Variants in POLQ observed in about 807,000 individuals in gnomAD.
POLQ encodes epididymis secretory sperm binding protein.
POLQ carries 233 observed loss-of-function variants against 259.2 expected under a neutral mutation model. That is an observed-to-expected ratio of 0.90 (90% CI 0.81 to 1.00). The LOEUF is 1.00. Ranked by LOEUF, POLQ falls within the 50% of genes least tolerant of loss-of-function variation. The pLI, the probability that POLQ is intolerant of heterozygous loss-of-function variation, is 0.00. For synonymous variants in POLQ, 1,025 were observed against 1,048.8 expected (o/e 0.98, Z 0.44); for missense variants, 2,871 against 3,051.6 (o/e 0.94, Z 1.39).
intron 26 of POLQ, among the ~76,000 whole-genome samples, chr3:121,445,764 G>C (rs2047627934): frequency 6.6e-6 from 1 of 151,808 alleles, no homozygotes; most frequent in Admixed American, 6.6e-5. Context: ...TTGGGAGGCT[G>C]AGACAGGAAA....
chr3:121,545,837 T>C lies in POLQ; in HGVS notation c.41A>G (p.Glu14Gly). The C allele has an allele frequency of 6.2e-7, 1 of 1,613,966 alleles. No individual in the cohort carries two copies. Among genetic ancestry groups the C allele is most frequent in the East Asian group, 2.2e-5 (1 of 44,882 alleles). The change falls in exon 1 of 30, where the codon GAA (glutamate) becomes GGA (glycine). Residue 14 changes from glutamate to glycine, a missense_variant. By Grantham distance (98) the Glu-to-Gly change is moderately conservative. Coordinates refer to ENST00000264233, the MANE Select transcript of POLQ (RefSeq NM_199420.4). The stretch of plus-strand genomic sequence containing the variant: ...TCCCGAGAACGAATCTGAGCCTGAT[T>C]CTGAACGCCGCCGTTTCCCACTCCG... Reference protein sequence around the residue: ...LRRSGKRRRSESGSDSFSGSG... With the variant: ...LRRSGKRRRSGSGSDSFSGSG...
intron 25 of POLQ, among the ~76,000 whole-genome samples, chr3:121,451,217 T>A (rs560632858): frequency 6.6e-6 from 1 of 152,340 alleles, no homozygotes; most frequent in Non-Finnish European, 1.5e-5. Flanking sequence ...TTTTAGCTTC[T>A]TTGCAATGGG....
chr3:121,489,931 C>G lies in POLQ; in HGVS notation c.3000G>C (p.Lys1000Asn), dbSNP rs761849735. ...TCCCCTCATTCTGAGAGGCTCCTGG[C>G]TTCTCTTTATTTATATCTAAAGAGG... ...KRASLDINKEKPGASQNEGKT... is the reference protein window; with the variant it reads ...KRASLDINKENPGASQNEGKT... The change falls in exon 16 of 30, where the codon AAG becomes AAC. Residue 1000 changes from lysine (K) to asparagine (N), a missense_variant. By Grantham distance (94) the Lys-to-Asn change is moderately conservative. Around this residue, in one of 3 missense-constraint regions of POLQ, gnomAD observed 2,080 missense variants for 2,126.0 expected, o/e 0.98. Coordinates refer to ENST00000264233, the MANE Select transcript of POLQ (RefSeq NM_199420.4). The G allele has an allele frequency of 5.1e-6, 8 of 1,581,328 alleles. No homozygotes were observed. The African/African-American group carries it at 1.1e-4, about 22-fold the overall frequency.
In POLQ at chr3:121,522,017, G is replaced by A; in HGVS notation, c.1241C>T (p.Ala414Val). The A allele has an allele frequency of 6.4e-7, 1 of 1,572,122 alleles. No individual in the cohort carries two copies. Among genetic ancestry groups the A allele is most frequent in the Non-Finnish European group, 8.6e-7 (1 of 1,164,294 alleles). The change falls in exon 8 of 30, where the codon GCA becomes GTA. Residue 414 changes from alanine (A) to valine (V), a missense_variant. This residue lies in a region of POLQ where 783 missense variants were observed against 906.2 expected (regional missense o/e 0.86). Transcript: ENST00000264233. ...ATATGAAATACCTGCATGATGAAATGCTACTCCCCATGGTACAGTTTTCTG... is the reference window on the plus strand; with the variant it reads ...ATATGAAATACCTGCATGATGAAATACTACTCCCCATGGTACAGTTTTCTG... Reference protein sequence around the residue: ...VLQKTVPWGVAFHHAGLTFEE... With the variant: ...VLQKTVPWGVVFHHAGLTFEE...
At position 121,489,968 on chromosome 3, in the gene POLQ, G is replaced by A. The variant is rs2048052434; in HGVS notation, c.2963C>T (p.Ala988Val). The A allele has an allele frequency of 3.2e-6, 5 of 1,580,602 alleles. No homozygotes were observed. In the South Asian group the frequency reaches 4.8e-5, roughly 15 times the overall value. The stretch of plus-strand genomic sequence containing the variant: ...TATATCTAAAGAGGCCCGTTTTCTT[G>A]CTCTGAAAATGGAACATGTCTGATG... ...QEHQTCSIFR[A>V]RKRASLDINK... The change falls in exon 16 of 30, where the codon GCA becomes GTA. Residue 988 changes from alanine (A) to valine (V), a missense_variant. Around this residue, in one of 3 missense-constraint regions of POLQ, gnomAD observed 2,080 missense variants for 2,126.0 expected, o/e 0.98. Coordinates refer to ENST00000264233, the MANE Select transcript of POLQ (RefSeq NM_199420.4).
rs546611416 is a variant in POLQ, at chr3:121,515,266, G to A, written c.1469-3237C>T. ...AAGCCTGAAACTCCTGGGCTCAAGC[G>A]ATCCTTCCATCTCAGCCTCCCAAGT... On this transcript the variant is annotated intron_variant, in intron 9 of 29. Transcript: ENST00000264233. Among the ~76,000 whole-genome samples, 221 of 152,186 alleles carry A rather than the reference G, an allele frequency of 1.5e-3. 1 individual carries two copies. The highest frequency in any genetic ancestry group is 5.1e-3 in the African/African-American group (212 of 41,534).
chr3:121,440,849 A>T (rs2047585833), intron 26 of POLQ, among the ~76,000 whole-genome samples: 1 of 152,160 alleles, frequency 6.6e-6, no homozygotes, highest in African/African-American at 2.4e-5. Flanking sequence ...CTACACTATG[A>T]TCCAAAGTAG....
At chr3:121,504,131 A>G (rs2048192600) in intron 12 of POLQ, among the ~76,000 whole-genome samples, 1 of 152,210 alleles carries the variant, frequency 6.6e-6, no homozygotes. Context: ...TGAAAAGAAA[A>G]CAAAATTGAA....
chr3:121,460,115 C>A lies in POLQ; in HGVS notation c.7087G>T (p.Ala2363Ser). The change falls in exon 25 of 30, where the codon GCA becomes TCA. Residue 2363 changes from alanine (A) to serine (S), a missense_variant. Ala to Ser is a moderately conservative substitution (Grantham distance 99). Transcript: ENST00000264233. ...GGCTCAATCATCTTCCACTCTGCTG[C>A]AATGCTCCTGAAAACATCAGCTCCA... Reference protein sequence around the residue: ...NTGADVFRSIAAEWKMIEPES... With the variant: ...NTGADVFRSISAEWKMIEPES... 1 of 1,614,048 alleles carries A rather than the reference C, an allele frequency of 6.2e-7. No individual in the cohort carries two copies. The highest frequency in any genetic ancestry group is 8.5e-7 in the Non-Finnish European group (1 of 1,179,934).
intron 9 of POLQ, among the ~76,000 whole-genome samples, chr3:121,517,691 T>C (rs2048307869): frequency 6.6e-6 from 1 of 152,212 alleles, no homozygotes; most frequent in Admixed American, 6.5e-5. Context: ...CTTCCCTTCC[T>C]GATGGCTGAA....
intron 25 of POLQ, among the ~76,000 whole-genome samples, chr3:121,457,051 A>G (rs2047745118): frequency 6.6e-6 from 1 of 152,188 alleles, no homozygotes; most frequent in African/African-American, 2.4e-5. Context: ...GATCAATGGA[A>G]CAGAACAGAG....
intron 25 of POLQ, among the ~76,000 whole-genome samples, chr3:121,454,525 A>G (rs1176270512): frequency 1.3e-5 from 2 of 152,104 alleles, no homozygotes; most frequent in East Asian, 1.9e-4. Context: ...TCAAAATAAA[A>G]GGATGGAGGA....
chr3:121,444,480 C>T (rs2047617265), intron 26 of POLQ, among the ~76,000 whole-genome samples: 2 of 152,080 alleles, frequency 1.3e-5, no homozygotes, highest in South Asian at 2.1e-4. Context: ...TTTATCAGTT[C>T]TAATAGTTTT....
At chr3:121,534,224 T>C (rs1400430110) in intron 5 of POLQ, among the ~76,000 whole-genome samples, 1 of 152,124 alleles carries the variant, frequency 6.6e-6, no homozygotes, top group Non-Finnish European at 1.5e-5. Flanking sequence ...TAGTGGGTTG[T>C]GTTTTTCTTA....
intron 8 of POLQ, among the ~76,000 whole-genome samples, chr3:121,520,860 A>C (rs1039888637): frequency 1.3e-5 from 2 of 152,250 alleles, no homozygotes; most frequent in Non-Finnish European, 2.9e-5. Flanking sequence ...CCTATGCATC[A>C]CATTGGTCAG....
At chr3:121,473,107 C>T (rs2047898827) in intron 21 of POLQ, among the ~76,000 whole-genome samples, 1 of 152,136 alleles carries the variant, frequency 6.6e-6, no homozygotes, top group Admixed American at 6.5e-5. Flanking sequence ...CTTTATAAAC[C>T]TTTACACCAT....
At chr3:121,507,065 TAA>T (rs1228821349) in intron 12 of POLQ, among the ~76,000 whole-genome samples, 3 of 152,144 alleles carry the variant, frequency 2.0e-5, no homozygotes, top group Admixed American at 1.3e-4. Context: ...TCTGTAAAAT[TAA>T]AAAAGAGAAG....
chr3:121,478,778 A>T (rs533927254), intron 19 of POLQ, among the ~76,000 whole-genome samples: 41 of 152,298 alleles, frequency 2.7e-4, no homozygotes, highest in African/African-American at 9.4e-4. Flanking sequence ...TTTGTAATAC[A>T]GATGGTCATA....
chr3:121,544,992 C>T (rs2048520432), intron 1 of POLQ, 86 bp from the exon 2 acceptor site: 1 of 793,242 alleles, frequency 1.3e-6, no homozygotes, highest in African/African-American at 1.7e-5. Flanking sequence ...GTTGGAATTC[C>T]TATGTGTTGA....
Sources: allele counts gnomAD v4.1 joint callset (sites outside exome capture counted in the v4.1 genomes callset), GRCh38; gene constraint gnomAD v4.1.1; regional missense constraint gnomAD v4.1.1; transcripts MANE v1.5; gene names NCBI Gene and HGNC (gene_info 2026-07-23, HGNC 2026-07-21).